GHR: variants seen among roughly 807,000 people sequenced by gnomAD.
The protein encoded by GHR is GH receptor.
GHR carries 35 observed loss-of-function variants against 67.1 expected under a neutral mutation model. The ratio of observed to expected loss-of-function variants is 0.52; its 90% CI spans 0.40 to 0.69. GHR has a LOEUF of 0.69. Among genes scored for constraint, GHR ranks in the 30% least tolerant of loss-of-function variants. The pLI is 0.00. For synonymous variants in GHR, 272 were observed against 269.1 expected (o/e 1.01, Z -0.10); for missense variants, 792 against 764.6 (o/e 1.04, Z -0.42).
At chr5:42,621,816 T>G (rs776073153) in intron 2 of GHR, among the ~76,000 whole-genome samples, 4 of 152,210 alleles carry the variant, frequency 2.6e-5, no homozygotes, top group Non-Finnish European at 5.9e-5. Context: ...ATATGCTGTA[T>G]GATTTACTGT....
intron 1 of GHR, among the ~76,000 whole-genome samples, chr5:42,528,113 A>G (rs1747790220): frequency 6.6e-6 from 1 of 152,184 alleles, no homozygotes. Flanking sequence ...TGTTAACACA[A>G]TGTCCATTCT....
intron 1 of GHR, among the ~76,000 whole-genome samples, chr5:42,433,732 A>ATT (rs35539827): frequency 0.11 from 8,503 of 77,580 alleles, 589 homozygotes; most frequent in Non-Finnish European, 0.14. Context: ...AAGATATGGT[A>ATT]TTTTTTTTTT....
At chr5:42,614,879 G>A (rs1321309346) in intron 2 of GHR, among the ~76,000 whole-genome samples, 1 of 151,840 alleles carries the variant, frequency 6.6e-6, no homozygotes, top group Non-Finnish European at 1.5e-5. Context: ...GAGCATCTTT[G>A]GAGTTAAGGA....
intron 3 of GHR, among the ~76,000 whole-genome samples, chr5:42,671,041 A>G (rs1405345500): frequency 6.6e-6 from 1 of 152,084 alleles, no homozygotes; most frequent in Non-Finnish European, 1.5e-5. Flanking sequence ...AATACTAGCA[A>G]ACTGAATACA....
chr5:42,592,974 G>A (rs191936756), intron 2 of GHR, among the ~76,000 whole-genome samples: 7 of 152,126 alleles, frequency 4.6e-5, no homozygotes, highest in African/African-American at 1.2e-4. Flanking sequence ...GTTTTGATTT[G>A]CATTTCTCTA....
intron 1 of GHR, among the ~76,000 whole-genome samples, chr5:42,499,164 G>T (rs1199734686): frequency 6.6e-6 from 1 of 152,122 alleles, no homozygotes; most frequent in African/African-American, 2.4e-5. Context: ...CTATGTCGAG[G>T]CAGCAGGTGT....
intron 1 of GHR, among the ~76,000 whole-genome samples, chr5:42,503,323 G>A (rs912491645): frequency 6.6e-6 from 1 of 152,086 alleles, no homozygotes; most frequent in African/African-American, 2.4e-5. Flanking sequence ...AGTAAAATAA[G>A]CACACAATTC....
intron 1 of GHR, among the ~76,000 whole-genome samples, chr5:42,462,353 C>T (rs1744522541): frequency 6.6e-6 from 1 of 152,080 alleles, no homozygotes; most frequent in African/African-American, 2.4e-5. Context: ...TGAAGTCATT[C>T]CTCATTAAAA....
At chr5:42,446,397 G>A (rs1394209448) in intron 1 of GHR, among the ~76,000 whole-genome samples, 1 of 152,206 alleles carries the variant, frequency 6.6e-6, no homozygotes, top group Non-Finnish European at 1.5e-5. Flanking sequence ...ATGTGTTAGG[G>A]AAATGGTAAG....
chr5:42,487,083 A>T (rs779374323), intron 1 of GHR, among the ~76,000 whole-genome samples: 1 of 152,194 alleles, frequency 6.6e-6, no homozygotes, highest in Non-Finnish European at 1.5e-5. Context: ...GTAGTTAAGC[A>T]GTTGGAGGAG....
chr5:42,570,749 A>T (rs536404364), intron 2 of GHR, among the ~76,000 whole-genome samples: 1 of 152,206 alleles, frequency 6.6e-6, no homozygotes. Context: ...AAGAGAAAAC[A>T]GAGAAATAAA....
chr5:42,467,146 C>G, intron 1 of GHR: 1 of 1,600,060 alleles, frequency 6.2e-7, no homozygotes, highest in African/African-American at 1.3e-5. Context: ...AGGAAGATCT[C>G]CACTGTGAAT....
chr5:42,615,054 G>A (rs1422221958), intron 2 of GHR, among the ~76,000 whole-genome samples: 1 of 152,036 alleles, frequency 6.6e-6, no homozygotes, highest in African/African-American at 2.4e-5. Context: ...AGTTGGGCAG[G>A]CTCCCAGTCA....
chr5:42,468,461 TGA>T (rs1224177617), intron 1 of GHR: 1 of 850,668 alleles, frequency 1.2e-6, no homozygotes, highest in East Asian at 2.5e-5. Context: ...CGTGCGCAGC[TGA>T]GAGGCCCGAC....
Position 42,700,008 on chromosome 5 carries a change from A to G in GHR, c.618+6A>G. 5 of 1,530,676 alleles carry G rather than the reference A, an allele frequency of 3.3e-6. No homozygotes were observed. Among genetic ancestry groups the G allele is most frequent in the South Asian group, 1.1e-5 (1 of 89,200 alleles). The allele number at this position is 1,530,676 out of a possible 1,614,324, so 94.8% of individuals were successfully genotyped here. A position where few individuals can be genotyped will look rare whatever the true frequency, so the allele number is the denominator to read the frequency against. On this transcript the variant is annotated splice_donor_region_variant and intron_variant, in intron 6 of 9. Coordinates refer to ENST00000230882, the MANE Select transcript of GHR (RefSeq NM_000163.5). Reference sequence around the variant, plus strand: ...ATGAAACTAAATGGAAAATGGTAAGATGTTGCTACACCTTACACTTTGACT... The same window carrying G: ...ATGAAACTAAATGGAAAATGGTAAGGTGTTGCTACACCTTACACTTTGACT...
chr5:42,691,587 A>G (rs184077996), intron 4 of GHR, among the ~76,000 whole-genome samples: 1 of 152,238 alleles, frequency 6.6e-6, no homozygotes, highest in Admixed American at 6.5e-5. Context: ...CATAAATAAA[A>G]CTCTGAGATG....
At chr5:42,702,997 T>C (rs1758002703) in intron 6 of GHR, among the ~76,000 whole-genome samples, 1 of 152,074 alleles carries the variant, frequency 6.6e-6, no homozygotes, top group African/African-American at 2.4e-5. Context: ...TGTCTCCCAT[T>C]CCATAGAGTG....
rs77901594 is a variant in GHR at position 42,528,047 on chromosome 5, A to T, written c.-11-37817A>T. On this transcript the variant is annotated intron_variant, in intron 1 of 9. Transcript: ENST00000230882. The stretch of plus-strand genomic sequence containing the variant: ...ATTAGTCCTCATTGAGAAAGCACCC[A>T]GTGACCAAAGGGCTCTGATGGAGAT... Among the ~76,000 whole-genome samples, 151 of 152,312 alleles carry T rather than the reference A, an allele frequency of 9.9e-4. 6 individuals are homozygous for T. In the East Asian group the frequency reaches 0.028, roughly 28 times the overall value.
At chr5:42,520,349 T>C (rs1747419784) in intron 1 of GHR, among the ~76,000 whole-genome samples, 1 of 152,134 alleles carries the variant, frequency 6.6e-6, no homozygotes, top group South Asian at 2.1e-4. Context: ...TGTGATCTTG[T>C]GTAAATCCCC....
Sources: allele counts gnomAD v4.1 joint callset (sites outside exome capture counted in the v4.1 genomes callset), GRCh38; gene constraint gnomAD v4.1.1; transcripts MANE v1.5; gene names NCBI Gene and HGNC (gene_info 2026-07-23, HGNC 2026-07-21).